MIPOL1: variants seen among roughly 807,000 people sequenced by gnomAD.
MIPOL1 encodes the protein mirror-image polydactyly 1.
In MIPOL1, 57 loss-of-function variants were observed where a neutral mutation model predicts 60.9. That is an observed-to-expected ratio of 0.94 (90% CI 0.76 to 1.17). The LOEUF is 1.17. Among genes scored for constraint, MIPOL1 ranks in the 50% most tolerant of loss-of-function variants. MIPOL1 has a pLI of 0.00. For missense variants in MIPOL1, 551 were observed against 511.6 expected, an observed-to-expected ratio of 1.08 and a Z score of -0.74; for synonymous variants, 179 against 168.8, an observed-to-expected ratio of 1.06 and a Z score of -0.47.
chr14:37,435,951 T>C (rs921150621), intron 11 of MIPOL1, among the ~76,000 whole-genome samples: 3 of 152,170 alleles, frequency 2.0e-5, no homozygotes, highest in Admixed American at 6.5e-5. Context: ...TTTTTTAAAA[T>C]AGATTTTATT....
chr14:37,350,099 TCTCA>T (rs1303082390), intron 9 of MIPOL1, among the ~76,000 whole-genome samples: 1 of 152,148 alleles, frequency 6.6e-6, no homozygotes, highest in Non-Finnish European at 1.5e-5. Context: ...AGAAACAGGG[TCTCA>T]CTCTGTCGAC....
intron 3 of MIPOL1, chr14:37,265,126 C>T (rs2082783697): frequency 6.6e-6 from 1 of 152,126 alleles, no homozygotes; most frequent in African/African-American, 2.4e-5. Context: ...TATTTCTTCT[C>T]CTCTATATCT....
intron 1 of MIPOL1, among the ~76,000 whole-genome samples, chr14:37,200,901 T>TA (rs551548144): frequency 0.096 from 4,699 of 48,764 alleles, 356 homozygotes; most frequent in African/African-American, 0.27. Context: ...TGTGTGTGTA[T>TA]TTTTTTTTTT....
intron 1 of MIPOL1, among the ~76,000 whole-genome samples, chr14:37,235,456 G>C (rs1331007685): frequency 4.6e-5 from 7 of 152,188 alleles, no homozygotes; most frequent in Non-Finnish European, 1.5e-5. Context: ...CCATCTTCAA[G>C]GAATTACTAT....
chr14:37,288,025 TAG>T (rs1328620540), intron 7 of MIPOL1, among the ~76,000 whole-genome samples: 1 of 152,316 alleles, frequency 6.6e-6, no homozygotes, highest in African/African-American at 2.4e-5. Flanking sequence ...TTAATATAAG[TAG>T]AGAGTTTATT....
intron 11 of MIPOL1, among the ~76,000 whole-genome samples, chr14:37,459,302 T>C (rs2153580630): frequency 6.6e-6 from 1 of 151,846 alleles, no homozygotes; most frequent in South Asian, 2.1e-4. Context: ...AGAGAGAAGA[T>C]TCACATAAGT....
chr14:37,407,350 C>A (rs946635838), intron 10 of MIPOL1, among the ~76,000 whole-genome samples: 3 of 152,166 alleles, frequency 2.0e-5, no homozygotes, highest in African/African-American at 7.2e-5. Context: ...TTAAATAGAT[C>A]ATTTCCTAGT....
chr14:37,297,729 C>T (rs1342405997), intron 7 of MIPOL1, among the ~76,000 whole-genome samples: 3 of 151,900 alleles, frequency 2.0e-5, no homozygotes, highest in Non-Finnish European at 4.4e-5. Flanking sequence ...AATAAAATAC[C>T]TAGGAATCCA....
rs912521228 is a variant in MIPOL1 at position 37,269,443 on chromosome 14, A to T, written c.387+650A>T. On this transcript the variant is annotated intron_variant, in intron 5 of 12. Coordinates refer to ENST00000684589, the MANE Select transcript of MIPOL1 (RefSeq NM_001388067.1). ...TTTAATATTCTAGTTGTGTAACCTA[A>T]TCAAACTGAAGCATGATGTTAGGAA... 4.6e-5 allele frequency among the ~76,000 whole-genome samples: 7 copies of T among 151,962 alleles called. No individual in the cohort carries two copies. In the South Asian group the frequency reaches 8.3e-4, roughly 18 times the overall value.
intron 10 of MIPOL1, among the ~76,000 whole-genome samples, chr14:37,394,084 A>ATATATATATATATATATATATATATC (rs1491106712): frequency 3.0e-5 from 4 of 134,668 alleles, no homozygotes; most frequent in South Asian, 2.4e-4. Context: ...ATATATATAT[A>ATATATATATATATATATATATATATC]TCTCCATGTT....
At chr14:37,290,610 A>G (rs1026975880) in intron 7 of MIPOL1, among the ~76,000 whole-genome samples, 4 of 152,120 alleles carry the variant, frequency 2.6e-5, no homozygotes, top group Admixed American at 6.5e-5. Flanking sequence ...AATCAGGGCA[A>G]TTGTTCATCA....
At chr14:37,258,618 T>G (rs1231715077) in intron 3 of MIPOL1, among the ~76,000 whole-genome samples, 1 of 152,126 alleles carries the variant, frequency 6.6e-6, no homozygotes, top group Non-Finnish European at 1.5e-5. Flanking sequence ...ACCCTAAATT[T>G]GTGATTTATA....
intron 10 of MIPOL1, among the ~76,000 whole-genome samples, chr14:37,383,001 T>A (rs2092966309): frequency 6.6e-6 from 1 of 151,680 alleles, no homozygotes; most frequent in Non-Finnish European, 1.5e-5. Flanking sequence ...TATTTCACAG[T>A]CTTGAAAAAA....
At chr14:37,504,038 T>A (rs1219680337) in intron 12 of MIPOL1, 1 of 152,124 alleles carries the variant, frequency 6.6e-6, no homozygotes, top group Non-Finnish European at 1.5e-5. Flanking sequence ...AAGGGATCAC[T>A]TCAACAAGAA....
chr14:37,408,990 C>A (rs1023133529), intron 10 of MIPOL1, among the ~76,000 whole-genome samples: 4 of 152,174 alleles, frequency 2.6e-5, no homozygotes, highest in African/African-American at 9.7e-5. Context: ...GAAAACACAT[C>A]TATAGGAATA....
chr14:37,445,927 A>G (rs1366626263), intron 11 of MIPOL1, among the ~76,000 whole-genome samples: 1 of 152,190 alleles, frequency 6.6e-6, no homozygotes, highest in Non-Finnish European at 1.5e-5. Context: ...TTAATTCAAG[A>G]TGGATTAAAG....
chr14:37,419,343 G>A (rs1244756734), intron 10 of MIPOL1, among the ~76,000 whole-genome samples: 2 of 152,204 alleles, frequency 1.3e-5, no homozygotes, highest in African/African-American at 2.4e-5. Context: ...GAGGCTGAGT[G>A]TGAAAAGAAG....
At chr14:37,245,192 TA>T (rs1027356383) in intron 1 of MIPOL1, among the ~76,000 whole-genome samples, 1 of 152,098 alleles carries the variant, frequency 6.6e-6, no homozygotes, top group African/African-American at 2.4e-5. Context: ...AAAAGTAGCT[TA>T]AAAAATTAAT....
chr14:37,203,939 C>T (rs1410210244), intron 1 of MIPOL1, among the ~76,000 whole-genome samples: 2 of 152,234 alleles, frequency 1.3e-5, no homozygotes, highest in South Asian at 2.1e-4. Flanking sequence ...CATGCCACCA[C>T]GCCCAGCTAA....
Sources: allele counts gnomAD v4.1 joint callset (sites outside exome capture counted in the v4.1 genomes callset), GRCh38; gene constraint gnomAD v4.1.1; transcripts MANE v1.5; gene names NCBI Gene and HGNC (gene_info 2026-07-23, HGNC 2026-07-21).